ATP10A: variants seen among roughly 807,000 people sequenced by gnomAD.
The protein encoded by ATP10A is ATPase phospholipid transporting 10A (putative), also known as phospholipid-transporting ATPase VA.
In ATP10A, 111 loss-of-function variants were observed where a neutral mutation model predicts 147.8. That is an observed-to-expected ratio of 0.75 (90% CI 0.64 to 0.88). The LOEUF (loss-of-function observed/expected upper bound fraction) is 0.88. Ranked by LOEUF, ATP10A falls within the 40% of genes least tolerant of loss-of-function variation. The pLI, the probability that ATP10A is intolerant of heterozygous loss-of-function variation, is 0.00. For synonymous variants in ATP10A, 875 were observed against 841.6 expected (o/e 1.04, Z -0.69); for missense variants, 1,927 against 1,959.0 (o/e 0.98, Z 0.31).
At position 25,713,998 on chromosome 15, in the gene ATP10A, C is replaced by T. The variant is rs1372051472; in HGVS notation, c.2020G>A (p.Ala674Thr). The T allele has an allele frequency of 1.2e-6, 2 of 1,609,994 alleles. No individual in the cohort carries two copies. The highest frequency in any genetic ancestry group is 2.2e-5 in the South Asian group (2 of 91,080). Residue 674 changes from alanine to threonine, a missense_variant, in exon 10 of 21, where the codon GCG becomes ACG. Coordinates refer to ENST00000555815, the MANE Select transcript of ATP10A (RefSeq NM_024490.4). The part of the protein sequence containing the change: ...AIASNGYSSQ[A>T]DNWASELAQE... ...GCAAGCTCCGAGGCCCAGTTGTCCGCCTGGCTGCTGTAGCCGTTGCTGGCG... is the reference window on the plus strand; with the variant it reads ...GCAAGCTCCGAGGCCCAGTTGTCCGTCTGGCTGCTGTAGCCGTTGCTGGCG...
chr15:25,847,060 A>T (rs1893054030), intron 1 of ATP10A, among the ~76,000 whole-genome samples: 1 of 152,220 alleles, frequency 6.6e-6, no homozygotes, highest in African/African-American at 2.4e-5. Flanking sequence ...GCATCCATAG[A>T]GCATCTTTGT....
rs549357062 is a variant in ATP10A, at chr15:25,691,706, G to T, written c.3165+9C>A. On this transcript the variant is annotated intron_variant, in intron 15 of 20. Coordinates refer to ENST00000555815, the MANE Select transcript of ATP10A (RefSeq NM_024490.4). Reference sequence around the variant, plus strand: ...ATTGGTCACACAGAATAGCCTGATTGGTCTTTACCTGCATACCCTCCTGGC... The same window carrying T: ...ATTGGTCACACAGAATAGCCTGATTTGTCTTTACCTGCATACCCTCCTGGC... The T allele has an allele frequency of 6.2e-7, 1 of 1,614,044 alleles. No individual in the cohort carries two copies. The highest frequency in any genetic ancestry group is 1.3e-5 in the African/African-American group (1 of 75,036).
chr15:25,742,408 T>C (rs1229293651), intron 2 of ATP10A, among the ~76,000 whole-genome samples: 1 of 152,212 alleles, frequency 6.6e-6, no homozygotes, highest in East Asian at 1.9e-4. Flanking sequence ...CCTCCCTTAG[T>C]TTCTGAGCAG....
chr15:25,698,271 T>C (rs1475045599), intron 13 of ATP10A, among the ~76,000 whole-genome samples: 1 of 152,232 alleles, frequency 6.6e-6, no homozygotes, highest in Non-Finnish European at 1.5e-5. Flanking sequence ...ACAGTTTTTC[T>C]CTAAATTTGA....
chr15:25,818,602 C>A (rs944025750), intron 1 of ATP10A, among the ~76,000 whole-genome samples: 2 of 152,048 alleles, frequency 1.3e-5, no homozygotes, highest in Non-Finnish European at 2.9e-5. Flanking sequence ...TAGAAAAAAA[C>A]CATCCTAAAA....
At chr15:25,855,778 A>T (rs1893491793) in intron 1 of ATP10A, among the ~76,000 whole-genome samples, 1 of 152,200 alleles carries the variant, frequency 6.6e-6, no homozygotes, top group African/African-American at 2.4e-5. Context: ...TTACTGATGA[A>T]TGGTTCTATA....
rs758645689 is a variant in ATP10A at position 25,721,822 on chromosome 15, C to G, written c.1198G>C (p.Asp400His). ...YFINQDMQLY[D>H]EETDSQLQCR... is the part of the protein sequence containing the mutation. ...TGCAGCTGCGAGTCTGTTTCTTCGT[C>G]ATACAACTGCATGTCCTGGTTAATG... The change falls in exon 7 of 21, where the codon GAC (aspartate) becomes CAC (histidine). Residue 400 changes from aspartate to histidine, a missense_variant. Physicochemically the swap from Asp to His is moderately conservative, Grantham distance 81 (BLOSUM62 -1). Coordinates refer to ENST00000555815, the MANE Select transcript of ATP10A (RefSeq NM_024490.4). 1 of 1,614,184 alleles carries G rather than the reference C, an allele frequency of 6.2e-7. No homozygotes were observed. The highest frequency in any genetic ancestry group is 1.7e-5 in the Admixed American group (1 of 60,016).
Position 25,795,308 on chromosome 15 carries a change from C to T in ATP10A, c.450-14085G>A, listed in dbSNP as rs545695304. On this transcript the variant is annotated intron_variant, in intron 1 of 20. Coordinates refer to ENST00000555815, the MANE Select transcript of ATP10A (RefSeq NM_024490.4). ...TCCACGTGACTAAGACACAGGCCCA[C>T]GGAGGGAGGGCCTGCGCCAACTTGG... is the stretch of plus-strand genomic sequence containing the variant. 1.1e-3 allele frequency among the ~76,000 whole-genome samples: 170 copies of T among 152,222 alleles called. 2 individuals are homozygous for T. In the Middle Eastern group the frequency reaches 0.014, roughly 12 times the overall value.
chr15:25,752,757 G>A (rs995629153), intron 2 of ATP10A, among the ~76,000 whole-genome samples: 8 of 152,102 alleles, frequency 5.3e-5, no homozygotes, highest in Non-Finnish European at 1.0e-4. Flanking sequence ...TGAGTAGTAT[G>A]GCATCCTAAC....
At position 25,683,415 on chromosome 15, in the gene ATP10A, C is replaced by G. The variant is rs768001484; in HGVS notation, c.3363G>C (p.Trp1121Cys). 3 of 1,614,048 alleles carry G rather than the reference C, an allele frequency of 1.9e-6. No individual in the cohort carries two copies. Among genetic ancestry groups the G allele is most frequent in the Non-Finnish European group, 2.5e-6 (3 of 1,179,998 alleles). The change falls in exon 17 of 21, where the codon TGG becomes TGC. Residue 1121 changes from tryptophan to cysteine, a missense_variant. Transcript: ENST00000555815. ...AGAGCAGATTAAAGAAGATTAGATACCACTGGTCAATCATGGTAGATGCAG... is the reference window on the plus strand; with the variant it reads ...AGAGCAGATTAAAGAAGATTAGATAGCACTGGTCAATCATGGTAGATGCAG... ...GFSASTMIDQ[W>C]YLIFFNLLFS...
At chr15:25,755,377 T>C (rs963657217) in intron 2 of ATP10A, among the ~76,000 whole-genome samples, 2 of 152,136 alleles carry the variant, frequency 1.3e-5, no homozygotes, top group South Asian at 2.1e-4. Context: ...TTGAGAATGA[T>C]AGGAACCTGA....
At chr15:25,703,321 CT>C (rs1900782617) in intron 12 of ATP10A, among the ~76,000 whole-genome samples, 1 of 152,176 alleles carries the variant, frequency 6.6e-6, no homozygotes, top group South Asian at 2.1e-4. Flanking sequence ...TGCCACTGCA[CT>C]CCAGCCTGGG....
At chr15:25,688,181 C>T (rs976754474) in intron 15 of ATP10A, among the ~76,000 whole-genome samples, 3 of 152,164 alleles carry the variant, frequency 2.0e-5, no homozygotes, top group Admixed American at 6.5e-5. Flanking sequence ...TTCTTTGCCC[C>T]GGATGTCATT....
rs557387628 is a variant in ATP10A, at chr15:25,731,356, T to A, written c.741-4090A>T. Among the ~76,000 whole-genome samples, 4 of 152,282 alleles carry A rather than the reference T, an allele frequency of 2.6e-5. No individual in the cohort carries two copies. The South Asian group carries it at 8.3e-4, about 32-fold the overall frequency. ...ATTATAAATATGTATGCATCCAATA[T>A]CAAAGCACCCAAGTATATAAAGCAA... is the stretch of plus-strand genomic sequence containing the variant. On this transcript the variant is annotated intron_variant, in intron 3 of 20. Coordinates refer to ENST00000555815, the MANE Select transcript of ATP10A (RefSeq NM_024490.4).
chr15:25,845,399 G>A (rs1046835216), intron 1 of ATP10A, among the ~76,000 whole-genome samples: 1 of 151,882 alleles, frequency 6.6e-6, no homozygotes, highest in Non-Finnish European at 1.5e-5. Context: ...GATAAGGCCC[G>A]GCCACCTCCA....
chr15:25,685,498 T>C (rs1359111980), intron 16 of ATP10A, among the ~76,000 whole-genome samples: 1 of 152,166 alleles, frequency 6.6e-6, no homozygotes, highest in Non-Finnish European at 1.5e-5. Flanking sequence ...GAATTAGGGA[T>C]CAGCTGGCTC....
intron 12 of ATP10A, among the ~76,000 whole-genome samples, chr15:25,702,913 A>G (rs1567313658): frequency 6.6e-6 from 1 of 152,064 alleles, no homozygotes; most frequent in African/African-American, 2.4e-5. Flanking sequence ...GGATGCTGCT[A>G]TGGACTGAGC....
At chr15:25,734,164 C>T (rs1419016797) in intron 3 of ATP10A, among the ~76,000 whole-genome samples, 1 of 152,140 alleles carries the variant, frequency 6.6e-6, no homozygotes, top group Non-Finnish European at 1.5e-5. Context: ...TCTCCTGCAC[C>T]GGACCCCGCC....
intron 17 of ATP10A, 130 bp from the exon 18 acceptor site, chr15:25,681,204 T>G (rs756201306): frequency 4.1e-5 from 35 of 850,166 alleles, no homozygotes; most frequent in Non-Finnish European, 6.0e-5. Flanking sequence ...CCCTGAGGAG[T>G]AGAGCTGGGA....
Sources: allele counts gnomAD v4.1 joint callset (sites outside exome capture counted in the v4.1 genomes callset), GRCh38; gene constraint gnomAD v4.1.1; transcripts MANE v1.5; gene names NCBI Gene and HGNC (gene_info 2026-07-23, HGNC 2026-07-21).